Variants in UNC5C observed in about 807,000 individuals in gnomAD.
The protein encoded by UNC5C is unc-5 netrin receptor C, also known as netrin receptor UNC5C.
A neutral mutation model predicts 99.8 loss-of-function variants in UNC5C; 47 were observed. The observed-to-expected ratio is 0.47, with a 90% CI of 0.37 to 0.60. The LOEUF is 0.60. Ranked by LOEUF, UNC5C falls within the 20% of genes least tolerant of loss-of-function variation. UNC5C has a pLI of 0.00. For missense variants in UNC5C, 1,062 were observed against 1,165.9 expected (o/e 0.91, Z 1.30); for synonymous variants, 487 against 452.2 (o/e 1.08, Z -0.98).
intron 1 of UNC5C, among the ~76,000 whole-genome samples, chr4:95,397,916 TATTA>T (rs1362490001): frequency 6.6e-6 from 1 of 152,164 alleles, no homozygotes; most frequent in Non-Finnish European, 1.5e-5. Flanking sequence ...GCAGTAGCAT[TATTA>T]ATTGTCTGCA....
chr4:95,190,052 T>A (rs1355406902), intron 12 of UNC5C, among the ~76,000 whole-genome samples: 1 of 152,170 alleles, frequency 6.6e-6, no homozygotes, highest in African/African-American at 2.4e-5. Flanking sequence ...GTATGTTTAT[T>A]GCGGCACTAT....
chr4:95,370,258 T>C (rs559423808), intron 1 of UNC5C, among the ~76,000 whole-genome samples: 3 of 152,324 alleles, frequency 2.0e-5, no homozygotes, highest in Non-Finnish European at 2.9e-5. Context: ...ATATTTTAGA[T>C]ATATTGGGCT....
Position 95,198,269 on chromosome 4 carries a change from G to A in UNC5C, c.2136+4462C>T, listed in dbSNP as rs191294042. 7.9e-3 allele frequency among the ~76,000 whole-genome samples: 1,208 copies of A among 152,032 alleles called. 11 individuals are homozygous for A. The highest frequency in any genetic ancestry group is 0.028 in the African/African-American group (1,152 of 41,480). ...CTCCCAAAGTGCTGGGATTACAGGC[G>A]TGAGTCACCGTGCCCAGTGAGGGAG... On this transcript the variant is annotated intron_variant, in intron 12 of 15. Coordinates refer to ENST00000453304, the MANE Select transcript of UNC5C (RefSeq NM_003728.4).
In UNC5C at chr4:95,165,679, C is replaced by A. The variant is rs1371602494; in HGVS notation, c.*3555G>T. On this transcript the variant is annotated 3_prime_UTR_variant, in exon 16 of 16. Coordinates refer to ENST00000453304, the MANE Select transcript of UNC5C (RefSeq NM_003728.4). ...CCCTTTGATTAACAACCCCAATTTT[C>A]TCTTCCCTAGACATAGTATTCCATT... is the stretch of plus-strand genomic sequence containing the variant. The A allele has an allele frequency of 6.6e-6, 1 of 152,202 alleles. No individual in the cohort carries two copies. The highest frequency in any genetic ancestry group is 6.5e-5 in the Admixed American group (1 of 15,272). 9.4% of individuals were successfully genotyped at this position (152,202 alleles called of 1,614,324 possible).
chr4:95,328,347 A>C (rs2149416963), intron 2 of UNC5C, among the ~76,000 whole-genome samples: 1 of 100,602 alleles, frequency 9.9e-6, no homozygotes, highest in Non-Finnish European at 2.2e-5. Flanking sequence ...TAGTTTACTG[A>C]GAATGATGGT....
At chr4:95,176,828 C>A (rs566386033) in intron 14 of UNC5C, among the ~76,000 whole-genome samples, 221 of 152,324 alleles carry the variant, frequency 1.5e-3, no homozygotes, top group African/African-American at 5.1e-3. Context: ...ATGGCGGGGG[C>A]CCCTCCCCCA....
At chr4:95,456,635 A>G (rs1341985455) in intron 1 of UNC5C, among the ~76,000 whole-genome samples, 2 of 152,306 alleles carry the variant, frequency 1.3e-5, no homozygotes, top group African/African-American at 2.4e-5. Context: ...AATAACAAAA[A>G]TTCAAGGACG....
chr4:95,285,990 C>A (rs1216950310), intron 3 of UNC5C, among the ~76,000 whole-genome samples: 1 of 152,120 alleles, frequency 6.6e-6, no homozygotes, highest in African/African-American at 2.4e-5. Flanking sequence ...AAGCACATTG[C>A]TTAACCTCTT....
chr4:95,208,274 T>C (rs1383453783), intron 10 of UNC5C, among the ~76,000 whole-genome samples: 3 of 152,200 alleles, frequency 2.0e-5, no homozygotes, highest in East Asian at 3.9e-4. Context: ...CATGGGAAGA[T>C]AGAGATAGTA....
intron 1 of UNC5C, among the ~76,000 whole-genome samples, chr4:95,525,467 T>C (rs1191997617): frequency 1.3e-5 from 2 of 152,044 alleles, no homozygotes; most frequent in African/African-American, 4.8e-5. Flanking sequence ...AAATGATTTT[T>C]GTAAATCCCA....
chr4:95,356,918 G>A (rs527762275), intron 1 of UNC5C, among the ~76,000 whole-genome samples: 4 of 152,110 alleles, frequency 2.6e-5, no homozygotes, highest in Non-Finnish European at 2.9e-5. Flanking sequence ...GAAACTGGGC[G>A]CAACTGGTCT....
Position 95,298,754 on chromosome 4 carries a change from T to C in UNC5C, c.490+2852A>G, listed in dbSNP as rs567562691. Among the ~76,000 whole-genome samples, 11 of 152,258 alleles carry C rather than the reference T, an allele frequency of 7.2e-5. No individual in the cohort carries two copies. In the South Asian group the frequency reaches 2.1e-3, roughly 29 times the overall value. ...ATGAGCTCCATGAGGGCAAGGATGGTTGCATGTTTTGTTTCTAGTACCAAC... is the reference window on the plus strand; with the variant it reads ...ATGAGCTCCATGAGGGCAAGGATGGCTGCATGTTTTGTTTCTAGTACCAAC... On this transcript the variant is annotated intron_variant, in intron 3 of 15. Transcript: ENST00000453304.
At chr4:95,333,292 T>C (rs1743196629) in intron 2 of UNC5C, among the ~76,000 whole-genome samples, 1 of 152,152 alleles carries the variant, frequency 6.6e-6, no homozygotes, top group Admixed American at 6.6e-5. Flanking sequence ...TGAGGCATTA[T>C]TCACAATAGC....
At chr4:95,338,221 C>G (rs1743421476) in intron 1 of UNC5C, among the ~76,000 whole-genome samples, 1 of 152,020 alleles carries the variant, frequency 6.6e-6, no homozygotes. Flanking sequence ...AGTTAACATA[C>G]TAAAAGAACA....
intron 10 of UNC5C, among the ~76,000 whole-genome samples, chr4:95,209,616 T>A (rs1465678137): frequency 6.6e-6 from 1 of 152,198 alleles, no homozygotes; most frequent in African/African-American, 2.4e-5. Flanking sequence ...GTACTTAAAT[T>A]TGGAACTATA....
intron 1 of UNC5C, among the ~76,000 whole-genome samples, chr4:95,450,766 A>T (rs1194056691): frequency 6.6e-6 from 1 of 152,230 alleles, no homozygotes; most frequent in Non-Finnish European, 1.5e-5. Flanking sequence ...AGGTAAATTA[A>T]AATGTTTACA....
chr4:95,212,973 G>C (rs979843145), intron 10 of UNC5C, among the ~76,000 whole-genome samples: 2 of 152,184 alleles, frequency 1.3e-5, no homozygotes, highest in Non-Finnish European at 2.9e-5. Context: ...GGCCCACCCA[G>C]GCACCAAGCC....
Position 95,185,095 on chromosome 4 carries a change from G to C in UNC5C, c.2238C>G (p.His746Gln), listed in dbSNP as rs773402815. The C allele has an allele frequency of 6.2e-7, 1 of 1,613,864 alleles. No individual in the cohort carries two copies. Among genetic ancestry groups the C allele is most frequent in the South Asian group, 1.1e-5 (1 of 91,028 alleles). Reference protein sequence around the residue: ...GSTHNLRLSIHDIAHSLWKSK... With the variant: ...GSTHNLRLSIQDIAHSLWKSK... ...TCTTCCAGAGGGAATGGGCGATATC[G>C]TGAATTGACAGGCGCAGGTTGTGGG... Residue 746 changes from histidine to glutamine, a missense_variant, in exon 13 of 16, where the codon CAC becomes CAG. By Grantham distance (24) the His-to-Gln change is conservative. Around this residue, in one of 3 missense-constraint regions of UNC5C, gnomAD observed 810 missense variants for 854.5 expected, o/e 0.95. Transcript: ENST00000453304.
intron 1 of UNC5C, among the ~76,000 whole-genome samples, chr4:95,449,804 A>C (rs1464166124): frequency 6.6e-6 from 1 of 152,224 alleles, no homozygotes; most frequent in African/African-American, 2.4e-5. Context: ...TTATTGAAAC[A>C]ATAAAGTCAT....
Sources: allele counts gnomAD v4.1 joint callset (sites outside exome capture counted in the v4.1 genomes callset), GRCh38; gene constraint gnomAD v4.1.1; regional missense constraint gnomAD v4.1.1; transcripts MANE v1.5; gene names NCBI Gene and HGNC (gene_info 2026-07-23, HGNC 2026-07-21).